EPS8: variants seen among roughly 807,000 people sequenced by gnomAD.
EPS8 encodes epidermal growth factor receptor kinase substrate 8.
Under a neutral mutation model 103.8 loss-of-function variants are expected in EPS8, and 42 were observed. That is an observed-to-expected ratio of 0.40 (90% CI 0.32 to 0.52). EPS8 has a LOEUF of 0.52. Ranked by LOEUF, EPS8 falls within the 20% of genes least tolerant of loss-of-function variation. EPS8 has a pLI of 0.40. For missense variants in EPS8, 969 were observed against 1,005.1 expected, an observed-to-expected ratio of 0.96 and a Z score of 0.49; for synonymous variants, 344 against 344.6, an observed-to-expected ratio of 1.00 and a Z score of 0.02.
At chr12:15,740,785 C>T (rs1306934798) in intron 1 of EPS8, among the ~76,000 whole-genome samples, 1 of 152,104 alleles carries the variant, frequency 6.6e-6, no homozygotes, top group African/African-American at 2.4e-5. Context: ...GAGCCTCAGT[C>T]TCCAGTATGT....
rs1361817997 is a variant in EPS8, at chr12:15,717,479, T to C, written c.-21-34507A>G. Among the ~76,000 whole-genome samples the C allele has an allele frequency of 1.3e-5, 2 of 151,938 alleles. No individual in the cohort carries two copies. The highest frequency in any genetic ancestry group is 2.9e-5 in the Non-Finnish European group (2 of 67,986). ...GCACGTGCCTGTAATCCCAGCTACT[T>C]GGGAGGCTGAGGCAGCAGAATTGCT... On this transcript the variant is annotated intron_variant, in intron 1 of 20. Transcript: ENST00000281172. This position sits in a 1 kb window ranked among gnomAD's most constrained non-coding sequence, Gnocchi z 4.3.
rs138317270 is a variant in EPS8, at chr12:15,623,522, G to T, written c.2226-235C>A. 1.0e-3 allele frequency among the ~76,000 whole-genome samples: 155 copies of T among 152,142 alleles called. 1 individual carries two copies. The highest frequency in any genetic ancestry group is 3.6e-3 in the African/African-American group (148 of 41,534). ...CAAAGTATCAAAAATGAGCCAATTC[G>T]GTTTAGGGTCATTGTTTAATACCAA... On this transcript the variant is annotated intron_variant, in intron 19 of 20. Transcript: ENST00000281172.
rs2135940152 is a variant in EPS8, at chr12:15,702,785, A to T, written c.-21-19813T>A. ...TATATTAATAATAGTGAAATTATGA[A>T]AGGAATTCTAGCTTATGCACGTAAT... On this transcript the variant is annotated intron_variant, in intron 1 of 20. Transcript: ENST00000281172. This position sits in a 1 kb window ranked among gnomAD's most constrained non-coding sequence, Gnocchi z 5.1. Among the ~76,000 whole-genome samples, 1 of 152,332 alleles carries T rather than the reference A, an allele frequency of 6.6e-6. No homozygotes were observed. The highest frequency in any genetic ancestry group is 1.5e-5 in the Non-Finnish European group (1 of 68,026).
rs10637427 is a variant in EPS8, at chr12:15,780,481, AACAC to A, written c.-22+8676_-22+8679del. ...CTCCTTTCTGCTATGTGCTGGGATA[AACAC>A]ACACACACACACACACACACACACA... On this transcript the variant is annotated intron_variant, in intron 1 of 20. Transcript: ENST00000281172. The surrounding 1 kb of genome is among the most constrained non-coding windows in gnomAD (Gnocchi z 4.1). The A allele has an allele frequency of 0.025, 2,995 of 117,526 alleles. 92 individuals carry two copies. Among genetic ancestry groups the A allele is most frequent in the African/African-American group, 0.063 (2,053 of 32,348 alleles). 7.3% of individuals were successfully genotyped at this position (117,526 alleles called of 1,614,324 possible). A position where few individuals can be genotyped will look rare whatever the true frequency, so the allele number is the denominator to read the frequency against.
chr12:15,711,691 C>A (rs896325301), intron 1 of EPS8, among the ~76,000 whole-genome samples: 1 of 152,154 alleles, frequency 6.6e-6, no homozygotes, highest in African/African-American at 2.4e-5. Flanking sequence ...AGGAACTTCA[C>A]CTATTTATGC....
Position 15,665,850 on chromosome 12 carries a change from T to C in EPS8, c.642A>G (p.Arg214=). The change falls in exon 8 of 21, where the codon AGA becomes AGG. Residue 214 remains arginine (R), a synonymous_variant. Coordinates refer to ENST00000281172, the MANE Select transcript of EPS8 (RefSeq NM_004447.6). ...TCCCAGGGGGCGCAGGGGCAGGAGC[T>C]CTGGGTGGAGGCGGTATACTAGGGT... The part of the protein sequence containing the change: ...NADPSIPPPP[R]APAPAPPGTV... The C allele has an allele frequency of 1.9e-6, 3 of 1,613,950 alleles. No homozygotes were observed. The highest frequency in any genetic ancestry group is 2.2e-5 in the East Asian group (1 of 44,866).
chr12:15,713,474 A>G lies in EPS8; in HGVS notation c.-21-30502T>C, dbSNP rs1946493991. ...CACTGTCAGCTGTGGCCAACACTGG[A>G]GCTATGGGGATAATCACTGGAGTCT... On this transcript the variant is annotated intron_variant, in intron 1 of 20. Coordinates refer to ENST00000281172, the MANE Select transcript of EPS8 (RefSeq NM_004447.6). The surrounding 1 kb of genome is among the most constrained non-coding windows in gnomAD (Gnocchi z 4.8). 1 of 152,258 alleles carries G rather than the reference A, an allele frequency of 6.6e-6. No individual in the cohort carries two copies. The highest frequency in any genetic ancestry group is 6.5e-5 in the Admixed American group (1 of 15,274). 9.4% of individuals were successfully genotyped at this position (152,258 alleles called of 1,614,324 possible). A position where few individuals can be genotyped will look rare whatever the true frequency, so the allele number is the denominator to read the frequency against.
chr12:15,655,604 C>T (rs1423328943), intron 12 of EPS8, among the ~76,000 whole-genome samples: 1 of 152,026 alleles, frequency 6.6e-6, no homozygotes, highest in Non-Finnish European at 1.5e-5. Flanking sequence ...ACCTCGAACG[C>T]ATTTCCAATA....
At chr12:15,675,673 T>C (rs572775595) in intron 3 of EPS8, among the ~76,000 whole-genome samples, 1 of 152,304 alleles carries the variant, frequency 6.6e-6, no homozygotes, top group South Asian at 2.1e-4. Flanking sequence ...GTCCTCCCAA[T>C]AATAAAATCT....
chr12:15,774,305 A>T (rs1466688296), intron 1 of EPS8, among the ~76,000 whole-genome samples: 2 of 151,396 alleles, frequency 1.3e-5, no homozygotes, highest in Admixed American at 1.3e-4. Flanking sequence ...ATGAATTTAT[A>T]TATCTACCCC....
chr12:15,684,507 A>G lies in EPS8; in HGVS notation c.-21-1535T>C, dbSNP rs954239256. 2.0e-5 allele frequency among the ~76,000 whole-genome samples: 3 copies of G among 152,230 alleles called. No individual in the cohort carries two copies. Among genetic ancestry groups the G allele is most frequent in the Non-Finnish European group, 2.9e-5 (2 of 68,042 alleles). On this transcript the variant is annotated intron_variant, in intron 1 of 20. Coordinates refer to ENST00000281172, the MANE Select transcript of EPS8 (RefSeq NM_004447.6). This position sits in a 1 kb window ranked among gnomAD's most constrained non-coding sequence, Gnocchi z 4.9. ...GGTACCAGGCACAGAATAGGTGTTC[A>G]TTAAATATTTATTCAAAGAAAGAAA...
chr12:15,684,644 T>A lies in EPS8; in HGVS notation c.-21-1672A>T, dbSNP rs1946065702. Among the ~76,000 whole-genome samples the A allele has an allele frequency of 6.6e-6, 1 of 152,218 alleles. No individual in the cohort carries two copies. Among genetic ancestry groups the A allele is most frequent in the African/African-American group, 2.4e-5 (1 of 41,462 alleles). ...TTAAGTCCCAACATATGTAGCTCTATTTTAAATCTGCTAGAAGTTCGGAGA... is the reference window on the plus strand; with the variant it reads ...TTAAGTCCCAACATATGTAGCTCTAATTTAAATCTGCTAGAAGTTCGGAGA... On this transcript the variant is annotated intron_variant, in intron 1 of 20. Transcript: ENST00000281172. The surrounding 1 kb of genome is among the most constrained non-coding windows in gnomAD (Gnocchi z 4.9).
Position 15,764,447 on chromosome 12 carries a change from G to C in EPS8, c.-22+24714C>G, listed in dbSNP as rs1485863348. Among the ~76,000 whole-genome samples, 2 of 152,188 alleles carry C rather than the reference G, an allele frequency of 1.3e-5. No homozygotes were observed. Among genetic ancestry groups the C allele is most frequent in the Non-Finnish European group, 2.9e-5 (2 of 68,034 alleles). On this transcript the variant is annotated intron_variant, in intron 1 of 20. Transcript: ENST00000281172. The surrounding 1 kb of genome is among the most constrained non-coding windows in gnomAD (Gnocchi z 4.1). ...CCAGGCAAATTAAGAAATATTCCAG[G>C]ATCAGCAGGAGAGAGGCAAAATATC...
At chr12:15,788,437 A>C (rs1261026149) in intron 1 of EPS8, among the ~76,000 whole-genome samples, 5 of 152,142 alleles carry the variant, frequency 3.3e-5, no homozygotes, top group Non-Finnish European at 4.4e-5. Context: ...ACTGCCGGAG[A>C]ACGGTCGGTG....
intron 1 of EPS8, among the ~76,000 whole-genome samples, chr12:15,691,991 T>G (rs946860225): frequency 6.6e-6 from 1 of 152,092 alleles, no homozygotes; most frequent in African/African-American, 2.4e-5. Flanking sequence ...GCAGGCTTCT[T>G]TCCCAGATAT....
chr12:15,634,941 C>A (rs192026357), intron 17 of EPS8, among the ~76,000 whole-genome samples: 1 of 152,300 alleles, frequency 6.6e-6, no homozygotes. Flanking sequence ...TAATTCCCAT[C>A]ACTATCTAGC....
intron 1 of EPS8, among the ~76,000 whole-genome samples, chr12:15,722,325 C>A (rs995033347): frequency 2.1e-5 from 3 of 145,418 alleles, no homozygotes; most frequent in Non-Finnish European, 4.6e-5. Context: ...TAAACAATTA[C>A]CCCCCCCAAA....
intron 13 of EPS8, among the ~76,000 whole-genome samples, chr12:15,652,296 G>A (rs892742956): frequency 6.6e-6 from 1 of 152,172 alleles, no homozygotes; most frequent in Non-Finnish European, 1.5e-5. Context: ...GGATGAGGCA[G>A]GGTTGCAGGG....
chr12:15,775,806 ATTTC>A (rs1427968222), intron 1 of EPS8, among the ~76,000 whole-genome samples: 1 of 152,136 alleles, frequency 6.6e-6, no homozygotes, highest in Non-Finnish European at 1.5e-5. Context: ...CTTATTTAAT[ATTTC>A]TTTATTGACA....
Sources: allele counts gnomAD v4.1 joint callset (sites outside exome capture counted in the v4.1 genomes callset), GRCh38; gene constraint gnomAD v4.1.1; non-coding constraint Gnocchi (gnomAD v3.1); transcripts MANE v1.5; gene names NCBI Gene and HGNC (gene_info 2026-07-23, HGNC 2026-07-21).